The following LEMD1 variants were observed in gnomAD, a reference collection of about 807,000 sequenced individuals.
LEMD1 encodes LEM domain-containing protein 1.
LEMD1 carries 18 observed loss-of-function variants against 17.4 expected under a neutral mutation model. The ratio of observed to expected loss-of-function variants is 1.04; its 90% confidence interval spans 0.72 to 1.54. The LOEUF (loss-of-function observed/expected upper bound fraction) is 1.54. LEMD1 is among the 40% of genes most tolerant of loss of function. The probability of loss-of-function intolerance (pLI) is 0.00; values close to 1 mark genes in which losing one functional copy is unlikely to be tolerated. For synonymous variants in LEMD1, 88 were observed against 77.8 expected (o/e 1.13, Z -0.69); for missense variants, 195 against 210.4 (o/e 0.93, Z 0.45).
At chr1:205,419,705 A>T (rs1665871917) in intron 2 of LEMD1, among the ~76,000 whole-genome samples, 1 of 152,104 alleles carries the variant, frequency 6.6e-6, no homozygotes, top group Non-Finnish European at 1.5e-5. Context: ...ACCTCAAGTG[A>T]TCCACCCGCC....
chr1:205,390,355 TAAAA>T (rs566363489), intron 4 of LEMD1, among the ~76,000 whole-genome samples: 1 of 136,020 alleles, frequency 7.4e-6, no homozygotes, highest in African/African-American at 2.7e-5. Context: ...ACTCTCTCTC[TAAAA>T]AAAAAAAAAA....
intron 4 of LEMD1, among the ~76,000 whole-genome samples, chr1:205,403,766 C>T (rs1664961162): frequency 6.6e-6 from 1 of 152,016 alleles, no homozygotes; most frequent in Non-Finnish European, 1.5e-5. Context: ...TTTGCTCTTG[C>T]TTTTTGAGTT....
Position 205,411,671 on chromosome 1 carries a change from A to AAAAG in LEMD1, c.270+4557_270+4560dup, listed in dbSNP as rs199610367. On this transcript the variant is annotated intron_variant, in intron 4 of 5. Transcript: ENST00000367153. ...AAAGAAAGGAAAGAAAGAAAGAAAGAAAAGAAAGAAAGAAAGAAAGAAAGA... is the reference window on the plus strand; with the variant it reads ...AAAGAAAGGAAAGAAAGAAAGAAAGAAAAGAAAGAAAGAAAGAAAGAAAGAAAGA... Among the ~76,000 whole-genome samples the AAAAG allele has an allele frequency of 9.4e-3, 1,371 of 146,132 alleles. 17 individuals carry two copies. Among genetic ancestry groups the AAAAG allele is most frequent in the African/African-American group, 0.029 (1,141 of 39,440 alleles).
At chr1:205,427,371 C>T (rs1666070958) in intron 1 of LEMD1, among the ~76,000 whole-genome samples, 1 of 151,922 alleles carries the variant, frequency 6.6e-6, no homozygotes, top group Non-Finnish European at 1.5e-5. Context: ...TGGGGCATCT[C>T]CCCATCTCAT....
intron 4 of LEMD1, among the ~76,000 whole-genome samples, chr1:205,404,144 G>A (rs1045543249): frequency 3.9e-5 from 6 of 152,166 alleles, no homozygotes; most frequent in African/African-American, 1.4e-4. Flanking sequence ...TTTTGAAATA[G>A]GTGTGGTGTG....
chr1:205,443,941 G>A (rs781241323), intron 1 of LEMD1, among the ~76,000 whole-genome samples: 3 of 152,084 alleles, frequency 2.0e-5, no homozygotes, highest in Non-Finnish European at 4.4e-5. Flanking sequence ...TGCTTTGCTC[G>A]AGCAGGAGTC....
At chr1:205,395,594 C>CAA (rs11365761) in intron 4 of LEMD1, among the ~76,000 whole-genome samples, 1 of 129,228 alleles carries the variant, frequency 7.7e-6, no homozygotes. Flanking sequence ...AATTCTGTCT[C>CAA]AAAAAAAAAA....
chr1:205,446,561 T>A (rs1213337285), intron 1 of LEMD1, among the ~76,000 whole-genome samples: 1 of 152,226 alleles, frequency 6.6e-6, no homozygotes, highest in Non-Finnish European at 1.5e-5. Context: ...AACAACAGGA[T>A]TCCCGGGAGG....
At chr1:205,398,173 A>T (rs1461960042) in intron 4 of LEMD1, among the ~76,000 whole-genome samples, 1 of 152,216 alleles carries the variant, frequency 6.6e-6, no homozygotes, top group Non-Finnish European at 1.5e-5. Context: ...AGGGCTTATT[A>T]AGTAGTTCAG....
intron 4 of LEMD1, among the ~76,000 whole-genome samples, chr1:205,405,215 C>T (rs1256919587): frequency 2.0e-5 from 3 of 151,382 alleles, no homozygotes; most frequent in Non-Finnish European, 2.9e-5. Flanking sequence ...ATCTTTGTGG[C>T]GTTCTCTGTA....
chr1:205,392,545 A>AG (rs893631089), intron 4 of LEMD1, among the ~76,000 whole-genome samples: 6 of 152,100 alleles, frequency 3.9e-5, no homozygotes, highest in African/African-American at 1.2e-4. Context: ...CCGCCTTAAA[A>AG]AAAAACAAAT....
intron 4 of LEMD1, among the ~76,000 whole-genome samples, chr1:205,408,036 C>T (rs557330890): frequency 1.3e-5 from 2 of 152,136 alleles, no homozygotes; most frequent in African/African-American, 2.4e-5. Context: ...ACTGAGGCAC[C>T]GTGGCTCCAG....
At chr1:205,419,492 G>T (rs1236181147) in intron 2 of LEMD1, 140 bp from the exon 3 acceptor site, 2 of 909,798 alleles carry the variant, frequency 2.2e-6, no homozygotes, top group East Asian at 5.3e-5. Context: ...TTGAGACAGG[G>T]TCTCACTGTG....
chr1:205,424,534 C>G (rs1666030966), upstream of LEMD1, among the ~76,000 whole-genome samples: 1 of 152,156 alleles, frequency 6.6e-6, no homozygotes, highest in Non-Finnish European at 1.5e-5. Context: ...TTTCAAGGAG[C>G]TGACTGTCTC....
intron 2 of LEMD1, 68 bp from the exon 3 acceptor site, chr1:205,419,420 G>T: frequency 6.5e-7 from 1 of 1,537,682 alleles, no homozygotes. Context: ...TAGGTTCAAG[G>T]TATTTCATAA....
At chr1:205,385,056 C>T (rs114812767) in intron 4 of LEMD1, among the ~76,000 whole-genome samples, 2,022 of 152,124 alleles carry the variant, frequency 0.013, 46 homozygotes, top group African/African-American at 0.046. Flanking sequence ...TGGAGAACTA[C>T]GTGCTTGGAC....
chr1:205,432,686 C>A (rs1666142160), intron 1 of LEMD1, among the ~76,000 whole-genome samples: 1 of 152,232 alleles, frequency 6.6e-6, no homozygotes, highest in African/African-American at 2.4e-5. Context: ...TCTGTAGACG[C>A]TGGCAAAGAA....
At chr1:205,394,016 T>C (rs1252358840) in intron 4 of LEMD1, among the ~76,000 whole-genome samples, 2 of 152,168 alleles carry the variant, frequency 1.3e-5, no homozygotes, top group Non-Finnish European at 2.9e-5. Context: ...GGAATATAAT[T>C]CAGCCATAAA....
chr1:205,382,443 T>G (rs965902514), intron 5 of LEMD1, among the ~76,000 whole-genome samples: 1 of 151,924 alleles, frequency 6.6e-6, no homozygotes, highest in South Asian at 2.1e-4. Context: ...TAAATTTTTT[T>G]GTAGAGACGA....
Sources: gnomAD v4.1 joint callset for allele counts (sites outside exome capture counted in the v4.1 genomes callset) on GRCh38, gnomAD v4.1.1 for gene constraint, MANE v1.5 for transcripts, NCBI Gene and HGNC (gene_info 2026-07-23, HGNC 2026-07-21) for gene names.